Variants in BLTP1 observed in about 807,000 individuals in gnomAD.
BLTP1 encodes the protein fragile site-associated protein.
At chr4:122,307,010 A>G in the BLTP1 span, among the ~76,000 whole-genome samples, 47 of 152,150 alleles carry the variant, frequency 3.1e-4, 1 homozygote, top group East Asian at 8.7e-3. Flanking sequence ...TCAGCTTCTT[A>G]AAGTATTTTG....
the BLTP1 span, chr4:122,336,366 CT>C: frequency 6.5e-7 from 1 of 1,529,218 alleles, no homozygotes; most frequent in Non-Finnish European, 8.9e-7. Flanking sequence ...AAGCATCCTT[CT>C]TATATACCTC....
At chr4:122,359,688 A>T in the BLTP1 span, 2 of 1,611,830 alleles carry the variant, frequency 1.2e-6, no homozygotes, top group Non-Finnish European at 1.7e-6. Flanking sequence ...GAGAGATTTT[A>T]TGTGCAATAC....
At chr4:122,183,195 A>T in the BLTP1 span, 1 of 363,440 alleles carries the variant, frequency 2.8e-6, no homozygotes, top group Admixed American at 6.5e-5. Flanking sequence ...AATTAGCCAG[A>T]CATGGTGACA....
chr4:122,218,484 A>G, the BLTP1 span, among the ~76,000 whole-genome samples: 2 of 152,186 alleles, frequency 1.3e-5, no homozygotes, highest in African/African-American at 4.8e-5. Flanking sequence ...AAGCCCTTCA[A>G]CATTATTTCC....
chr4:122,300,695 T>C, the BLTP1 span, among the ~76,000 whole-genome samples: 59 of 152,318 alleles, frequency 3.9e-4, no homozygotes, highest in East Asian at 0.01. Flanking sequence ...TTTGATAATA[T>C]CTGTGGTCCC....
chr4:122,317,902 A>T, the BLTP1 span, among the ~76,000 whole-genome samples: 2 of 152,136 alleles, frequency 1.3e-5, no homozygotes, highest in South Asian at 4.1e-4. Flanking sequence ...TATGGTTTTC[A>T]TGAGATTGCC....
the BLTP1 span, chr4:122,308,015 A>C: frequency 6.2e-7 from 1 of 1,613,568 alleles, no homozygotes; most frequent in Non-Finnish European, 8.5e-7. Flanking sequence ...ATGGCTTTAC[A>C]TAAGGATATT....
chr4:122,315,077 AT>A, the BLTP1 span, among the ~76,000 whole-genome samples: 1 of 152,244 alleles, frequency 6.6e-6, no homozygotes, highest in South Asian at 2.1e-4. Flanking sequence ...ACCCTCAGTC[AT>A]TAGAGAACGA....
the BLTP1 span, among the ~76,000 whole-genome samples, chr4:122,203,037 A>T: frequency 6.6e-6 from 1 of 152,034 alleles, no homozygotes; most frequent in African/African-American, 2.4e-5. Context: ...ATAACTGTAG[A>T]GTCCTTTTTA....
the BLTP1 span, chr4:122,161,139 C>G: frequency 1.0e-6 from 1 of 984,088 alleles, no homozygotes; most frequent in East Asian, 1.1e-4. Context: ...GTTTATTTTC[C>G]AGCCCTTAAA....
chr4:122,176,224 A>G, the BLTP1 span, among the ~76,000 whole-genome samples: 4 of 151,690 alleles, frequency 2.6e-5, no homozygotes, highest in Non-Finnish European at 4.4e-5. Flanking sequence ...AATTGCTTGA[A>G]CCCAGGAGGC....
chr4:122,333,888 T>G, the BLTP1 span: 1 of 1,498,870 alleles, frequency 6.7e-7, no homozygotes, highest in Non-Finnish European at 8.9e-7. Context: ...GTTCATCTTT[T>G]TCTCATTATA....
At chr4:122,156,311 A>G in the BLTP1 span, among the ~76,000 whole-genome samples, 13 of 152,348 alleles carry the variant, frequency 8.5e-5, 1 homozygote, top group South Asian at 2.7e-3. Flanking sequence ...GAGTGAAAAT[A>G]GAAGAGAAAT....
the BLTP1 span, chr4:122,196,672 C>G: frequency 6.2e-7 from 1 of 1,609,952 alleles, no homozygotes; most frequent in Non-Finnish European, 8.5e-7. Context: ...ACCTGACTAT[C>G]AAGTTCTGAA....
chr4:122,299,939 G>A, the BLTP1 span: 4 of 983,716 alleles, frequency 4.1e-6, no homozygotes, highest in Non-Finnish European at 4.8e-6. Flanking sequence ...GTACAGGCAG[G>A]CACTAAGTGT....
the BLTP1 span, among the ~76,000 whole-genome samples, chr4:122,323,859 A>T: frequency 6.6e-6 from 1 of 152,064 alleles, no homozygotes; most frequent in Non-Finnish European, 1.5e-5. Context: ...CTCATTCCAC[A>T]TATTCCCCTC....
chr4:122,271,719 C>T, the BLTP1 span: 1 of 1,545,324 alleles, frequency 6.5e-7, no homozygotes, highest in Non-Finnish European at 8.7e-7. Context: ...ACATTTGGAC[C>T]AGCAGGTAAC....
chr4:122,199,358 G>A, the BLTP1 span: 1 of 1,611,432 alleles, frequency 6.2e-7, no homozygotes, highest in South Asian at 1.1e-5. Flanking sequence ...TTTATTATTA[G>A]GTTACACTCC....
the BLTP1 span, among the ~76,000 whole-genome samples, chr4:122,179,293 A>ATAAC: frequency 6.6e-6 from 1 of 152,134 alleles, no homozygotes; most frequent in Non-Finnish European, 1.5e-5. Context: ...AAATAAATAA[A>ATAAC]TAGATAAATG....
Sources: gnomAD v4.1 joint callset for allele counts (sites outside exome capture counted in the v4.1 genomes callset) on GRCh38, gnomAD v4.1.1 for gene constraint, MANE v1.5 for transcripts, NCBI Gene and HGNC (gene_info 2026-07-23, HGNC 2026-07-21) for gene names.